Variants in IL1RAPL1 observed in about 807,000 individuals in gnomAD.
The protein encoded by IL1RAPL1 is interleukin 1 receptor accessory protein like 1, also known as interleukin-1 receptor accessory protein-like 1.
Under a neutral mutation model 48.4 loss-of-function variants are expected in IL1RAPL1, and 3 were observed. That is an observed-to-expected ratio of 0.06 (90% CI 0.03 to 0.16). The LOEUF (loss-of-function observed/expected upper bound fraction) is 0.16. Ranked by LOEUF, IL1RAPL1 falls within the 10% of genes least tolerant of loss-of-function variation. The probability of loss-of-function intolerance (pLI) is 1.00; values close to 1 mark genes in which losing one functional copy is unlikely to be tolerated. For missense variants in IL1RAPL1, 349 were observed against 530.6 expected (o/e 0.66, Z 3.36); for synonymous variants, 185 against 187.7 (o/e 0.99, Z 0.12).
chrX:29,330,269 G>A (rs905826692), intron 3 of IL1RAPL1, among the ~76,000 whole-genome samples: 1 of 112,135 alleles, frequency 8.9e-6, no homozygotes, highest in Non-Finnish European at 1.9e-5. Flanking sequence ...TTTCATTTTA[G>A]CTTCCAAGCA....
chrX:29,791,039 T>G, intron 6 of IL1RAPL1, among the ~76,000 whole-genome samples: 1 of 110,756 alleles, frequency 9.0e-6, no homozygotes, highest in Admixed American at 9.7e-5. Flanking sequence ...CCAAAGCTCT[T>G]TCTCTGCATC....
intron 2 of IL1RAPL1, among the ~76,000 whole-genome samples, chrX:29,263,861 C>CT (rs1491542356): frequency 2.4e-3 from 12 of 5,061 alleles, no homozygotes; most frequent in African/African-American, 3.8e-3. Flanking sequence ...CTCTCTCTCT[C>CT]CCCCCCCCCC....
At chrX:29,447,210 C>T (rs932982261) in intron 5 of IL1RAPL1, among the ~76,000 whole-genome samples, 1 of 110,699 alleles carries the variant, frequency 9.0e-6, no homozygotes, top group East Asian at 2.8e-4. Flanking sequence ...CCCTTTTGCT[C>T]CCCCCAAAAG....
intron 2 of IL1RAPL1, among the ~76,000 whole-genome samples, chrX:29,018,093 C>A (rs1009395495): frequency 1.8e-5 from 2 of 111,783 alleles, no homozygotes; most frequent in African/African-American, 6.5e-5. Context: ...ATATCCAATT[C>A]ATGATTATCA....
intron 6 of IL1RAPL1, 81 bp from the exon 7 acceptor site, chrX:29,917,383 T>A: frequency 1.1e-6 from 1 of 877,699 alleles, no homozygotes; most frequent in African/African-American, 2.0e-5. Context: ...TGAAAAGTGA[T>A]CAAAATGTTA....
intron 2 of IL1RAPL1, among the ~76,000 whole-genome samples, chrX:29,072,546 G>A (rs1927587257): frequency 1.8e-5 from 2 of 111,387 alleles, no homozygotes; most frequent in Non-Finnish European, 3.8e-5. Flanking sequence ...AATTGCATCT[G>A]GGGCATGGAG....
chrX:29,049,884 A>G (rs1927055682), intron 2 of IL1RAPL1, among the ~76,000 whole-genome samples: 2 of 112,504 alleles, frequency 1.8e-5, no homozygotes, highest in Non-Finnish European at 3.8e-5. Flanking sequence ...CGTTAAAACT[A>G]AGAAATTAAT....
intron 6 of IL1RAPL1, among the ~76,000 whole-genome samples, chrX:29,896,487 A>G (rs1312177161): frequency 2.7e-5 from 3 of 112,300 alleles, no homozygotes; most frequent in Admixed American, 9.4e-5. Context: ...GTGTATACAC[A>G]TACATATAGA....
At chrX:28,713,801 A>C (rs1009400886) in intron 1 of IL1RAPL1, among the ~76,000 whole-genome samples, 2 of 111,885 alleles carry the variant, frequency 1.8e-5, no homozygotes, top group Non-Finnish European at 3.8e-5. Flanking sequence ...GTCTGTTTAC[A>C]GACTAAATAT....
chrX:29,291,006 T>C (rs769453883), intron 3 of IL1RAPL1, among the ~76,000 whole-genome samples: 3 of 111,650 alleles, frequency 2.7e-5, no homozygotes, highest in Non-Finnish European at 1.9e-5. Flanking sequence ...TTCATGTCCT[T>C]ATAAATGCAA....
At chrX:29,244,546 T>A (rs1292691535) in intron 2 of IL1RAPL1, among the ~76,000 whole-genome samples, 1 of 112,305 alleles carries the variant, frequency 8.9e-6, no homozygotes, top group African/African-American at 3.2e-5. Context: ...TTCCATCCCA[T>A]ATCAAAACTG....
At chrX:29,689,993 T>C (rs761374748) in intron 6 of IL1RAPL1, among the ~76,000 whole-genome samples, 1 of 111,560 alleles carries the variant, frequency 9.0e-6, no homozygotes, top group African/African-American at 3.3e-5. Flanking sequence ...ACTGGGAAAC[T>C]AATTGTCTAG....
intron 2 of IL1RAPL1, among the ~76,000 whole-genome samples, chrX:28,955,500 C>A (rs1339637258): frequency 9.1e-6 from 1 of 109,403 alleles, no homozygotes; most frequent in Non-Finnish European, 1.9e-5. Context: ...CTACATAGGG[C>A]TAGCCAGTTT....
At chrX:28,891,736 G>A (rs890289617) in intron 2 of IL1RAPL1, among the ~76,000 whole-genome samples, 1 of 111,478 alleles carries the variant, frequency 9.0e-6, no homozygotes, top group Admixed American at 9.6e-5. Context: ...TGCTATGAAC[G>A]TTCACTTGCA....
intron 2 of IL1RAPL1, among the ~76,000 whole-genome samples, chrX:29,270,605 G>A (rs1278361438): frequency 9.0e-6 from 1 of 111,135 alleles, no homozygotes; most frequent in African/African-American, 3.3e-5. Flanking sequence ...TCTATTTCTG[G>A]ACTCTAATTT....
intron 6 of IL1RAPL1, among the ~76,000 whole-genome samples, chrX:29,894,186 A>G (rs1055633753): frequency 8.9e-6 from 1 of 112,254 alleles, no homozygotes; most frequent in African/African-American, 3.2e-5. Flanking sequence ...AACAAAATTT[A>G]TCTTTGTGTT....
chrX:29,029,045 G>A (rs1011355418), intron 2 of IL1RAPL1, among the ~76,000 whole-genome samples: 2 of 111,695 alleles, frequency 1.8e-5, no homozygotes, highest in Non-Finnish European at 3.8e-5. Context: ...CAAAGGGGCA[G>A]CAAGGCACCT....
At chrX:29,315,231 G>T (rs774012688) in intron 3 of IL1RAPL1, among the ~76,000 whole-genome samples, 1 of 111,687 alleles carries the variant, frequency 9.0e-6, no homozygotes, top group Non-Finnish European at 1.9e-5. Flanking sequence ...AGATGAGTTC[G>T]GATAACAAAA....
intron 1 of IL1RAPL1, among the ~76,000 whole-genome samples, chrX:28,711,543 G>A (rs1935440833): frequency 9.1e-6 from 1 of 109,655 alleles, no homozygotes; most frequent in Admixed American, 9.9e-5. Flanking sequence ...GGTCATTAAG[G>A]GATTGAGGGT....
Sources: gnomAD v4.1 joint callset for allele counts (sites outside exome capture counted in the v4.1 genomes callset) on GRCh38, gnomAD v4.1.1 for gene constraint, MANE v1.5 for transcripts, NCBI Gene and HGNC (gene_info 2026-07-23, HGNC 2026-07-21) for gene names.